The following SLC14A2 variants were observed in gnomAD, a reference collection of about 807,000 sequenced individuals.
SLC14A2 encodes the protein solute carrier family 14 member 2.
SLC14A2 carries 91 observed loss-of-function variants against 104.6 expected under a neutral mutation model. That is an observed-to-expected ratio of 0.87 (90% CI 0.73 to 1.04). SLC14A2 has a LOEUF of 1.04. SLC14A2 is among the 50% of genes least tolerant of loss of function. The pLI, the probability that SLC14A2 is intolerant of heterozygous loss-of-function variation, is 0.00. For missense variants in SLC14A2, 1,189 were observed against 1,156.0 expected (o/e 1.03, Z -0.41); for synonymous variants, 476 against 466.4 (o/e 1.02, Z -0.27).
chr18:45,343,970 A>G (rs2085422426), intron 1 of SLC14A2, among the ~76,000 whole-genome samples: 1 of 152,200 alleles, frequency 6.6e-6, no homozygotes, highest in Admixed American at 6.5e-5. Flanking sequence ...GGGAAACTGT[A>G]TGAGGGCTCG....
chr18:45,280,166 A>G (rs1180309557), intron 1 of SLC14A2, among the ~76,000 whole-genome samples: 1 of 152,202 alleles, frequency 6.6e-6, no homozygotes, highest in Non-Finnish European at 1.5e-5. Flanking sequence ...CACACAACTA[A>G]TGAGAGGCAG....
intron 2 of SLC14A2, among the ~76,000 whole-genome samples, chr18:45,600,995 C>A (rs1465633753): frequency 6.6e-6 from 1 of 152,136 alleles, no homozygotes; most frequent in Non-Finnish European, 1.5e-5. Context: ...GGTCATAATG[C>A]AGTGAAGTAG....
At chr18:45,384,263 T>C (rs2085870036) in intron 1 of SLC14A2, among the ~76,000 whole-genome samples, 1 of 152,174 alleles carries the variant, frequency 6.6e-6, no homozygotes. Context: ...CTGGTTACTA[T>C]GAACTGGGCT....
intron 1 of SLC14A2, among the ~76,000 whole-genome samples, chr18:45,367,917 C>T (rs545147037): frequency 2.4e-4 from 36 of 152,180 alleles, no homozygotes; most frequent in African/African-American, 8.7e-4. Context: ...GCACTGAAGG[C>T]TTAATGTTCT....
At chr18:45,299,726 T>A (rs755049680) in intron 1 of SLC14A2, among the ~76,000 whole-genome samples, 4 of 152,216 alleles carry the variant, frequency 2.6e-5, no homozygotes, top group Non-Finnish European at 2.9e-5. Flanking sequence ...CCTCCCAAAG[T>A]GCTGGGATTA....
intron 1 of SLC14A2, among the ~76,000 whole-genome samples, chr18:45,420,554 C>T (rs2086332673): frequency 6.6e-6 from 1 of 152,002 alleles, no homozygotes; most frequent in Non-Finnish European, 1.5e-5. Flanking sequence ...CCTGTTTCTG[C>T]CCCCAAACTG....
chr18:45,196,304 T>C, the SLC14A2 span, among the ~76,000 whole-genome samples: 2 of 152,290 alleles, frequency 1.3e-5, no homozygotes, highest in South Asian at 4.1e-4. Flanking sequence ...TTGCTGAGAC[T>C]TTTTTTCATT....
chr18:45,299,343 T>C (rs1189711218), intron 1 of SLC14A2, among the ~76,000 whole-genome samples: 1 of 152,274 alleles, frequency 6.6e-6, no homozygotes, highest in African/African-American at 2.4e-5. Context: ...GTTGTCTTCT[T>C]GCCATCTTTT....
chr18:45,431,280 C>A (rs1436606055), intron 1 of SLC14A2, among the ~76,000 whole-genome samples: 2 of 151,978 alleles, frequency 1.3e-5, no homozygotes, highest in East Asian at 3.9e-4. Context: ...ACACGTCTAG[C>A]AAGTGGATGA....
intron 2 of SLC14A2, among the ~76,000 whole-genome samples, chr18:45,516,505 T>C (rs1407757259): frequency 6.6e-6 from 1 of 152,194 alleles, no homozygotes; most frequent in Non-Finnish European, 1.5e-5. Context: ...GAGAGAAAGA[T>C]AAGAGATGGG....
chr18:45,546,705 C>T (rs1338351510), intron 2 of SLC14A2, among the ~76,000 whole-genome samples: 1 of 152,222 alleles, frequency 6.6e-6, no homozygotes, highest in Admixed American at 6.5e-5. Flanking sequence ...TTTACTTAAA[C>T]TTCTGTGCCT....
At chr18:45,550,799 C>T (rs1437019918) in intron 2 of SLC14A2, among the ~76,000 whole-genome samples, 1 of 152,156 alleles carries the variant, frequency 6.6e-6, no homozygotes, top group Non-Finnish European at 1.5e-5. Flanking sequence ...AGAAGGTTTC[C>T]TTCTGGGACA....
chr18:45,449,772 T>G (rs1479417803), intron 1 of SLC14A2, among the ~76,000 whole-genome samples: 1 of 152,158 alleles, frequency 6.6e-6, no homozygotes, highest in Non-Finnish European at 1.5e-5. Flanking sequence ...AAACTTAGTT[T>G]TAATAGCAGC....
At chr18:45,662,512 A>G (rs2045951686) in intron 10 of SLC14A2, among the ~76,000 whole-genome samples, 1 of 152,190 alleles carries the variant, frequency 6.6e-6, no homozygotes, top group Admixed American at 6.5e-5. Context: ...GTTCTGGGGT[A>G]GGGCCTGAGA....
At chr18:45,457,190 C>T (rs2086958680) in intron 1 of SLC14A2, among the ~76,000 whole-genome samples, 1 of 152,136 alleles carries the variant, frequency 6.6e-6, no homozygotes, top group South Asian at 2.1e-4. Context: ...CATTGAGTCT[C>T]AGATTCAGCT....
chr18:45,572,703 T>C (rs1215809941), intron 2 of SLC14A2, among the ~76,000 whole-genome samples: 8 of 152,216 alleles, frequency 5.3e-5, no homozygotes, highest in Non-Finnish European at 1.0e-4. Context: ...TCTGAGGTTA[T>C]TGTCATCGTA....
chr18:45,642,227 T>TC (rs1047453105), intron 8 of SLC14A2, among the ~76,000 whole-genome samples: 2 of 152,220 alleles, frequency 1.3e-5, no homozygotes, highest in South Asian at 4.1e-4. Flanking sequence ...TTTTGTTTTT[T>TC]CCCACTTATG....
the SLC14A2 span, among the ~76,000 whole-genome samples, chr18:45,203,689 A>C: frequency 6.6e-6 from 1 of 152,166 alleles, no homozygotes; most frequent in African/African-American, 2.4e-5. Context: ...GGCATCTTTC[A>C]ATTTCTAATT....
intron 3 of SLC14A2, 147 bp from the exon 4 acceptor site, chr18:45,626,811 C>A: frequency 6.8e-6 from 3 of 438,608 alleles, no homozygotes; most frequent in Non-Finnish European, 1.3e-5. Context: ...CCTCTACCCC[C>A]ACCCCTCCAC....
Sources: gnomAD v4.1 joint callset for allele counts (sites outside exome capture counted in the v4.1 genomes callset) on GRCh38, gnomAD v4.1.1 for gene constraint, MANE v1.5 for transcripts, NCBI Gene and HGNC (gene_info 2026-07-23, HGNC 2026-07-21) for gene names.